Variants in SAMD12 observed in about 807,000 individuals in gnomAD.
The protein encoded by SAMD12 is sterile alpha motif domain containing 12.
Under a neutral mutation model 15.0 loss-of-function variants are expected in SAMD12, and 9 were observed. The observed-to-expected ratio is 0.60, with a 90% confidence interval of 0.36 to 1.05. The LOEUF (loss-of-function observed/expected upper bound fraction) is 1.05, where lower values mean the gene tolerates loss of function less well. Among genes scored for constraint, SAMD12 ranks in the 50% least tolerant of loss-of-function variants. The pLI is 0.01. For missense variants in SAMD12, 230 were observed against 234.2 expected, an observed-to-expected ratio of 0.98 and a Z score of 0.12; for synonymous variants, 86 against 90.1, an observed-to-expected ratio of 0.96 and a Z score of 0.25.
chr8:118,247,206 T>A (rs771547163), intron 4 of SAMD12, among the ~76,000 whole-genome samples: 42 of 152,042 alleles, frequency 2.8e-4, no homozygotes, highest in South Asian at 2.7e-3. Context: ...TCTAAAAAAG[T>A]TGAACTCATA....
At chr8:118,256,070 T>C (rs959022987) in intron 4 of SAMD12, among the ~76,000 whole-genome samples, 3 of 152,258 alleles carry the variant, frequency 2.0e-5, no homozygotes, top group East Asian at 1.9e-4. Context: ...GATGGTATCT[T>C]ATTGTGGTTT....
intron 4 of SAMD12, among the ~76,000 whole-genome samples, chr8:118,258,227 G>A (rs747214617): frequency 6.6e-6 from 1 of 152,116 alleles, no homozygotes; most frequent in Admixed American, 6.6e-5. Context: ...CAGGAAATGG[G>A]CTGAAGTTTA....
chr8:118,514,206 C>A (rs1189948054), intron 2 of SAMD12, among the ~76,000 whole-genome samples: 1 of 152,130 alleles, frequency 6.6e-6, no homozygotes, highest in Non-Finnish European at 1.5e-5. Context: ...AATGGGTTAA[C>A]CATGAAGTTC....
intron 4 of SAMD12, among the ~76,000 whole-genome samples, chr8:118,219,206 A>G (rs1191166713): frequency 1.3e-5 from 2 of 152,098 alleles, no homozygotes; most frequent in Non-Finnish European, 2.9e-5. Context: ...CATTTTAGCT[A>G]TTTTATTATA....
intron 1 of SAMD12, among the ~76,000 whole-genome samples, chr8:118,589,982 TAA>T (rs1411104399): frequency 6.6e-6 from 1 of 152,084 alleles, no homozygotes; most frequent in Non-Finnish European, 1.5e-5. Flanking sequence ...AACTGAATGG[TAA>T]AGAGAAGGAA....
intron 2 of SAMD12, among the ~76,000 whole-genome samples, chr8:118,499,072 A>G (rs1824705969): frequency 6.6e-6 from 1 of 152,228 alleles, no homozygotes; most frequent in South Asian, 2.1e-4. Flanking sequence ...TGTACGACTT[A>G]ACACAAGTTT....
intron 4 of SAMD12, among the ~76,000 whole-genome samples, chr8:118,364,836 C>G (rs576700222): frequency 1.7e-4 from 26 of 152,234 alleles, no homozygotes; most frequent in Non-Finnish European, 2.9e-4. Context: ...CATGGGTTGT[C>G]TAGTCTCCTT....
chr8:118,363,119 A>C (rs1481358236), intron 4 of SAMD12, among the ~76,000 whole-genome samples: 1 of 152,214 alleles, frequency 6.6e-6, no homozygotes, highest in Non-Finnish European at 1.5e-5. Flanking sequence ...CAAAAGAAAA[A>C]CATGTATTTT....
chr8:118,249,546 G>T (rs568290014), intron 4 of SAMD12, among the ~76,000 whole-genome samples: 2 of 152,140 alleles, frequency 1.3e-5, no homozygotes, highest in Non-Finnish European at 2.9e-5. Flanking sequence ...CTTTATGTAC[G>T]TATGCATCAC....
the SAMD12 span, among the ~76,000 whole-genome samples, chr8:118,132,027 A>G: frequency 3.0e-4 from 46 of 152,354 alleles, no homozygotes; most frequent in African/African-American, 1.1e-3. Context: ...GTGATAATCA[A>G]TGTCAGTATT....
chr8:118,408,569 A>T (rs1821246404), intron 3 of SAMD12, among the ~76,000 whole-genome samples: 1 of 152,202 alleles, frequency 6.6e-6, no homozygotes, highest in South Asian at 2.1e-4. Context: ...CAACTTAACA[A>T]GCTGTTTTGT....
chr8:118,234,812 C>A (rs1277396866), intron 4 of SAMD12, among the ~76,000 whole-genome samples: 4 of 150,428 alleles, frequency 2.7e-5, no homozygotes, highest in Admixed American at 1.3e-4. Flanking sequence ...ATAAGTAAGT[C>A]ATAATAAAAT....
At chr8:118,384,459 G>A (rs1021409096) in intron 3 of SAMD12, among the ~76,000 whole-genome samples, 2 of 152,098 alleles carry the variant, frequency 1.3e-5, no homozygotes, top group African/African-American at 4.8e-5. Context: ...TTTGTACTGG[G>A]GTGGCAGGGA....
chr8:118,503,127 GA>G (rs950761122), intron 2 of SAMD12, among the ~76,000 whole-genome samples: 1 of 152,154 alleles, frequency 6.6e-6, no homozygotes, highest in African/African-American at 2.4e-5. Flanking sequence ...TTTTAATGAT[GA>G]AAAAATTATG....
chr8:118,167,062 A>T, the SAMD12 span, among the ~76,000 whole-genome samples: 1 of 151,946 alleles, frequency 6.6e-6, no homozygotes, highest in Non-Finnish European at 1.5e-5. Flanking sequence ...GAGAGTGGGT[A>T]CTCTTCCCTG....
chr8:118,187,567 T>C (rs962272864), downstream of SAMD12, among the ~76,000 whole-genome samples: 1 of 152,188 alleles, frequency 6.6e-6, no homozygotes, highest in Non-Finnish European at 1.5e-5. Context: ...AAAAATTATT[T>C]TGGTGGTCTC....
intron 2 of SAMD12, among the ~76,000 whole-genome samples, chr8:118,447,593 G>A (rs557337326): frequency 1.1e-4 from 16 of 151,900 alleles, no homozygotes; most frequent in African/African-American, 2.2e-4. Flanking sequence ...GTGAGCCACC[G>A]TGTCCAGCCT....
intron 2 of SAMD12, among the ~76,000 whole-genome samples, chr8:118,458,820 C>A (rs1045026618): frequency 1.3e-5 from 2 of 152,088 alleles, no homozygotes; most frequent in Non-Finnish European, 2.9e-5. Flanking sequence ...AACTAGTTTT[C>A]AAGTTACTGT....
intron 4 of SAMD12, among the ~76,000 whole-genome samples, chr8:118,247,130 A>G (rs1290748551): frequency 2.0e-5 from 3 of 152,162 alleles, no homozygotes; most frequent in Non-Finnish European, 4.4e-5. Flanking sequence ...CCTAGAGGAC[A>G]TATGCTAGGT....
Sources: allele counts gnomAD v4.1 joint callset (sites outside exome capture counted in the v4.1 genomes callset), GRCh38; gene constraint gnomAD v4.1.1; transcripts MANE v1.5; gene names NCBI Gene and HGNC (gene_info 2026-07-23, HGNC 2026-07-21).